The following VPS16 variants were observed in gnomAD, a reference collection of about 807,000 sequenced individuals.
The protein encoded by VPS16 is vacuolar protein sorting-associated protein 16 homolog.
A neutral mutation model predicts 116.0 loss-of-function variants in VPS16; 82 were observed. The ratio of observed to expected loss-of-function variants is 0.71; its 90% CI spans 0.59 to 0.85. The LOEUF is 0.85. VPS16 is among the 40% of genes least tolerant of loss of function. The pLI is 0.00. For synonymous variants in VPS16, 406 were observed against 420.7 expected (o/e 0.96, Z 0.43); for missense variants, 928 against 1,090.6 (o/e 0.85, Z 2.10).
intron 2 of VPS16, 102 bp from the exon 3 acceptor site, chr20:2,859,952 C>T (rs2089209488): frequency 1.3e-6 from 2 of 1,529,432 alleles, no homozygotes; most frequent in East Asian, 4.5e-5. Context: ...TTTTTATAGG[C>T]CTGCTTCACA....
chr20:2,842,660 A>ATC, intron 1 of VPS16, among the ~76,000 whole-genome samples: 1 of 130,466 alleles, frequency 7.7e-6, no homozygotes, highest in Non-Finnish European at 1.6e-5. Flanking sequence ...ATAGATAGAT[A>ATC]TATAGATGTA....
Position 2,864,127 on chromosome 20 carries a change from C to A in VPS16, c.1611+44C>A. On this transcript the variant is annotated intron_variant, in intron 16 of 23. Coordinates refer to ENST00000380445, the MANE Select transcript of VPS16 (RefSeq NM_022575.4). The surrounding 1 kb of genome is among the most constrained non-coding windows in gnomAD (Gnocchi z 5.2). ...CCACAGACACTCTGATGTGGTTGTT[C>A]AGGGCCCCCATGCCAGCTCCTTCTC... 6.2e-7 allele frequency: 1 copy of A among 1,613,744 alleles called. No individual in the cohort carries two copies. Among genetic ancestry groups the A allele is most frequent in the South Asian group, 1.1e-5 (1 of 91,056 alleles).
At chr20:2,859,859 G>C in intron 2 of VPS16, 52 bp downstream of exon 2, 4 of 1,573,260 alleles carry the variant, frequency 2.5e-6, no homozygotes, top group Non-Finnish European at 3.5e-6. Flanking sequence ...ATGAACTCAA[G>C]GTCCTTGATT....
chr20:2,858,742 A>G (rs1414529840), intron 1 of VPS16, among the ~76,000 whole-genome samples: 2 of 152,074 alleles, frequency 1.3e-5, no homozygotes, highest in Non-Finnish European at 2.9e-5. Context: ...CTTCCCATGC[A>G]GCACACACTC....
Position 2,862,728 on chromosome 20 carries a change from G to A in VPS16, c.1203+18G>A. On this transcript the variant is annotated intron_variant, in intron 12 of 23. Transcript: ENST00000380445. ...TGCTCAGGGTTGGCCTGGATGGCCG[G>A]GCCGGGGAGGGTGGGGCTGGGAGGG... The A allele has an allele frequency of 6.2e-7, 1 of 1,611,298 alleles. No individual in the cohort carries two copies. The highest frequency in any genetic ancestry group is 8.5e-7 in the Non-Finnish European group (1 of 1,179,698).
chr20:2,840,998 G>A (rs2088964370), intron 1 of VPS16, 171 bp downstream of exon 1: 1 of 622,684 alleles, frequency 1.6e-6, no homozygotes, highest in Non-Finnish European at 2.7e-6. Flanking sequence ...AGGGAGCCGG[G>A]CCTTCCCCTG....
intron 22 of VPS16, 135 bp from the exon 23 acceptor site, chr20:2,866,077 G>A (rs949712498): frequency 1.3e-6 from 1 of 751,584 alleles, no homozygotes; most frequent in African/African-American, 1.7e-5. Context: ...TGGGGGTTGG[G>A]GGATTATATG....
intron 1 of VPS16, among the ~76,000 whole-genome samples, chr20:2,853,076 C>A (rs754219740): frequency 2.0e-5 from 3 of 152,126 alleles, no homozygotes; most frequent in Non-Finnish European, 4.4e-5. Flanking sequence ...ACAGTGTTCA[C>A]AATAGTAGAT....
intron 1 of VPS16, among the ~76,000 whole-genome samples, chr20:2,846,903 A>G (rs921307842): frequency 2.0e-5 from 3 of 152,136 alleles, no homozygotes; most frequent in African/African-American, 7.2e-5. Flanking sequence ...ATTCGATTCG[A>G]TTCCAAGGTC....
rs972801827 is a variant in VPS16 at position 2,860,605 on chromosome 20, C to T, written c.514+12C>T. The stretch of plus-strand genomic sequence containing the variant: ...GCCAGAGGTGCCAGGTAAGCCCTGA[C>T]ACCGCTGAGATAGCCAAGCAGTACC... On this transcript the variant is annotated intron_variant, in intron 5 of 23. Coordinates refer to ENST00000380445, the MANE Select transcript of VPS16 (RefSeq NM_022575.4). The surrounding 1 kb of genome is among the most constrained non-coding windows in gnomAD (Gnocchi z 6.1). The T allele has an allele frequency of 6.8e-6, 11 of 1,613,270 alleles. No homozygotes were observed. Among genetic ancestry groups the T allele is most frequent in the Non-Finnish European group, 9.3e-6 (11 of 1,179,912 alleles).
intron 1 of VPS16, among the ~76,000 whole-genome samples, chr20:2,845,133 C>A (rs2089045610): frequency 6.6e-6 from 1 of 151,258 alleles, no homozygotes; most frequent in Non-Finnish European, 1.5e-5. Context: ...CCTGATGGAA[C>A]AGAACAGGAA....
At chr20:2,845,010 GTGT>G in intron 1 of VPS16, among the ~76,000 whole-genome samples, 1 of 143,886 alleles carries the variant, frequency 6.9e-6, no homozygotes, top group African/African-American at 2.6e-5. Context: ...TGCAAGGGGT[GTGT>G]GTGTGTGTGT....
chr20:2,845,890 C>A (rs1032264772), intron 1 of VPS16, among the ~76,000 whole-genome samples: 2 of 152,140 alleles, frequency 1.3e-5, no homozygotes, highest in Non-Finnish European at 1.5e-5. Flanking sequence ...TGGCTTATTT[C>A]ACTTAGCATA....
chr20:2,859,682 T>C, intron 1 of VPS16, 37 bp from the exon 2 acceptor site: 1 of 1,604,828 alleles, frequency 6.2e-7, no homozygotes, highest in Non-Finnish European at 8.5e-7. Context: ...GGATGCAGGG[T>C]AATGAGGCTA....
chr20:2,841,524 C>T (rs1004790437), intron 1 of VPS16, among the ~76,000 whole-genome samples: 2 of 152,216 alleles, frequency 1.3e-5, no homozygotes. Context: ...CCTAACCAGT[C>T]TGCAGTTTCT....
rs74376700 is a variant in VPS16 at position 2,855,909 on chromosome 20, C to G, written c.54-3810C>G. Among the ~76,000 whole-genome samples, 7 of 152,296 alleles carry G rather than the reference C, an allele frequency of 4.6e-5. No individual in the cohort carries two copies. The South Asian group carries it at 1.4e-3, about 32-fold the overall frequency. On this transcript the variant is annotated intron_variant, in intron 1 of 23. Coordinates refer to ENST00000380445, the MANE Select transcript of VPS16 (RefSeq NM_022575.4). ...AGTTCACTAAAACTTTCTCCTTACC[C>G]GCAAAAAGGCTACTTTGCTTTCTTA...
In VPS16 at chr20:2,866,495, T is replaced by C. The variant is rs2089349902; in HGVS notation, c.2441T>C (p.Leu814Ser). 6.2e-7 allele frequency: 1 copy of C among 1,614,178 alleles called. No individual in the cohort carries two copies. Among genetic ancestry groups the C allele is most frequent in the Non-Finnish European group, 8.5e-7 (1 of 1,180,038 alleles). ...AATGAGGCTGAGCTGAGCCTCGTAT[T>C]GTCCCACTGCACGGGAGCCACAGAT... ...HRNEAELSLV[L>S]SHCTGATDGA... The change falls in exon 24 of 24, where the codon TTG becomes TCG. Residue 814 changes from leucine (L) to serine (S), a missense_variant. Coordinates refer to ENST00000380445, the MANE Select transcript of VPS16 (RefSeq NM_022575.4).
chr20:2,860,076 G>A lies in VPS16; in HGVS notation c.165G>A (p.Arg55=). The part of the protein sequence containing the change: ...GPIALLRNPW[R]KEKAASVRPV... ...CAGCACTGCTGAGGAACCCCTGGCG[G>A]AAGGAGAAAGCTGCTAGTGTGAGGC... Residue 55 remains arginine, a synonymous_variant, in exon 3 of 24, where the codon CGG becomes CGA. Transcript: ENST00000380445. The surrounding 1 kb of genome is among the most constrained non-coding windows in gnomAD (Gnocchi z 6.1). 1 of 1,614,030 alleles carries A rather than the reference G, an allele frequency of 6.2e-7. No individual in the cohort carries two copies. The highest frequency in any genetic ancestry group is 8.5e-7 in the Non-Finnish European group (1 of 1,180,018).
Position 2,864,064 on chromosome 20 carries a change from G to A in VPS16, c.1592G>A (p.Arg531His), listed in dbSNP as rs954787080. The change falls in exon 16 of 24, where the codon CGC becomes CAC. Residue 531 changes from arginine (R) to histidine (H), a missense_variant. Arg to His is a conservative substitution (Grantham distance 29). Coordinates refer to ENST00000380445, the MANE Select transcript of VPS16 (RefSeq NM_022575.4). The surrounding 1 kb of genome is among the most constrained non-coding windows in gnomAD (Gnocchi z 5.2). ...GCTGCACGAGCCTATGGTTGTGGCC[G>A]CACGGAGCTGGCCATCAAGGTGTGG... ...DIAARAYGCGRTELAIKLLEY... is the reference protein window; with the variant it reads ...DIAARAYGCGHTELAIKLLEY... 37 of 1,613,974 alleles carry A rather than the reference G, an allele frequency of 2.3e-5. No homozygotes were observed. The highest frequency in any genetic ancestry group is 2.8e-5 in the Non-Finnish European group (33 of 1,179,964).
Sources: gnomAD v4.1 joint callset for allele counts (sites outside exome capture counted in the v4.1 genomes callset) on GRCh38, gnomAD v4.1.1 for gene constraint, Gnocchi (gnomAD v3.1) non-coding constraint, MANE v1.5 for transcripts, NCBI Gene and HGNC (gene_info 2026-07-23, HGNC 2026-07-21) for gene names.